TENM2: variants seen among roughly 807,000 people sequenced by gnomAD.
TENM2 encodes teneurin transmembrane protein 2, also known as teneurin-2.
A neutral mutation model predicts 245.2 loss-of-function variants in TENM2; 52 were observed. That is an observed-to-expected ratio of 0.21 (90% CI 0.17 to 0.27). The LOEUF (loss-of-function observed/expected upper bound fraction) is 0.27. TENM2 is among the 10% of genes least tolerant of loss of function. TENM2 has a pLI of 1.00. For synonymous variants in TENM2, 1,363 were observed against 1,438.9 expected, an observed-to-expected ratio of 0.95 and a Z score of 1.19; for missense variants, 3,046 against 3,666.8, an observed-to-expected ratio of 0.83 and a Z score of 4.37.
chr5:167,852,257 C>G (rs1411096295), intron 2 of TENM2, among the ~76,000 whole-genome samples: 1 of 152,156 alleles, frequency 6.6e-6, no homozygotes, highest in Non-Finnish European at 1.5e-5. Context: ...TCAAGATTTA[C>G]AGTAATCGAT....
At chr5:168,195,092 T>C in intron 14 of TENM2, 84 bp from the exon 17 acceptor site, 1 of 1,490,760 alleles carries the variant, frequency 6.7e-7, no homozygotes, top group South Asian at 1.2e-5. Flanking sequence ...AGGGACCAGA[T>C]GAGGATGAGG....
At chr5:167,351,254 A>T (rs1416759306) in intron 1 of TENM2, among the ~76,000 whole-genome samples, 1 of 151,820 alleles carries the variant, frequency 6.6e-6, no homozygotes, top group Non-Finnish European at 1.5e-5. Context: ...ATTCCCATGA[A>T]ATTTGAAATC....
At chr5:167,341,607 T>G (rs972736375) in intron 1 of TENM2, among the ~76,000 whole-genome samples, 6 of 152,090 alleles carry the variant, frequency 3.9e-5, no homozygotes, top group Non-Finnish European at 7.4e-5. Context: ...ACATTTGTGA[T>G]GATTGAAAAA....
At chr5:167,142,116 A>G in the TENM2 span, among the ~76,000 whole-genome samples, 1 of 152,188 alleles carries the variant, frequency 6.6e-6, no homozygotes, top group Middle Eastern at 3.2e-3. Context: ...AAAAAACGGA[A>G]AAAGCTGCAA....
At position 167,900,127 on chromosome 5, in the gene TENM2, AAAAAAAGG is replaced by A. The variant is rs1253202197; in HGVS notation, c.712+23933_712+23940del. ...TCAACCCACTAAAAAAAAAAAAAAAAAAAAAAGGGGGGGGGGGTTTTGGAAAGGAAAGG... is the reference window on the plus strand; with the variant it reads ...TCAACCCACTAAAAAAAAAAAAAAAAGGGGGGGGGTTTTGGAAAGGAAAGG... On this transcript the variant is annotated intron_variant, in intron 3 of 28. Coordinates refer to ENST00000518659, the Ensembl canonical transcript of TENM2. Among the ~76,000 whole-genome samples, 60 of 120,764 alleles carry A rather than the reference AAAAAAAGG, an allele frequency of 5.0e-4. 1 individual carries two copies. The highest frequency in any genetic ancestry group is 1.6e-3 in the African/African-American group (48 of 29,596). 79.2% of individuals were successfully genotyped at this position (120,764 alleles called of 152,430 possible). A position where few individuals can be genotyped will look rare whatever the true frequency, so the allele number is the denominator to read the frequency against.
chr5:167,096,844 A>G, the TENM2 span, among the ~76,000 whole-genome samples: 1 of 152,200 alleles, frequency 6.6e-6, no homozygotes, highest in African/African-American at 2.4e-5. Context: ...CAGCCTTGTC[A>G]TTTTTAAACG....
At chr5:167,930,211 T>C (rs1268335355) in intron 3 of TENM2, among the ~76,000 whole-genome samples, 5 of 152,208 alleles carry the variant, frequency 3.3e-5, no homozygotes, top group Non-Finnish European at 7.3e-5. Context: ...GTAATTTGAA[T>C]GGTAGTCGTG....
the TENM2 span, among the ~76,000 whole-genome samples, chr5:167,254,859 G>C: frequency 1.3e-5 from 2 of 152,020 alleles, no homozygotes; most frequent in South Asian, 4.2e-4. Context: ...GGAAGCAAGT[G>C]AGTGCTAAGG....
At chr5:167,173,511 T>C in the TENM2 span, among the ~76,000 whole-genome samples, 8 of 152,144 alleles carry the variant, frequency 5.3e-5, no homozygotes, top group African/African-American at 1.9e-4. Flanking sequence ...TTTGTAAAAA[T>C]GAACAAACTT....
At chr5:167,588,773 G>T (rs1382825998) in intron 2 of TENM2, among the ~76,000 whole-genome samples, 1 of 152,182 alleles carries the variant, frequency 6.6e-6, no homozygotes, top group Admixed American at 6.5e-5. Context: ...GGTTTGCAAA[G>T]GACAATATGA....
intron 2 of TENM2, among the ~76,000 whole-genome samples, chr5:167,400,597 G>T (rs551570720): frequency 6.6e-6 from 1 of 151,688 alleles, no homozygotes; most frequent in East Asian, 1.9e-4. Flanking sequence ...ATCACCCATA[G>T]ATTATAAATG....
chr5:167,143,798 A>G, the TENM2 span, among the ~76,000 whole-genome samples: 30 of 152,328 alleles, frequency 2.0e-4, 2 homozygotes, highest in East Asian at 5.6e-3. Context: ...CTGCGCTTTT[A>G]AAAGAACTAA....
chr5:167,407,570 C>A (rs1419638006), intron 2 of TENM2, among the ~76,000 whole-genome samples: 4 of 152,176 alleles, frequency 2.6e-5, no homozygotes, highest in Non-Finnish European at 5.9e-5. Context: ...GTAATCCCAG[C>A]ACTTTGGGAG....
chr5:168,247,292 G>A lies in TENM2; in HGVS notation c.6353G>A (p.Arg2118His), dbSNP rs778807457. 2.0e-5 allele frequency: 33 copies of A among 1,613,800 alleles called. No homozygotes were observed. The highest frequency in any genetic ancestry group is 5.5e-5 in the South Asian group (5 of 91,076). ...ACTCCCCTCCCCGTTGACCTCTACC[G>A]CTATGATGAGATTTCTGGCAAGGTG... Residue 2118 changes from arginine (R) to histidine (H), a missense_variant, in exon 27 of 29, where the codon CGC becomes CAC. Around this residue, in one of 2 missense-constraint regions of TENM2, gnomAD observed 2,704 missense variants for 3,331.9 expected, o/e 0.81. Transcript: ENST00000518659. This position sits in a 1 kb window ranked among gnomAD's most constrained non-coding sequence, Gnocchi z 7.8.
At chr5:167,298,307 T>C (rs1292203418) in intron 1 of TENM2, among the ~76,000 whole-genome samples, 1 of 152,122 alleles carries the variant, frequency 6.6e-6, no homozygotes, top group African/African-American at 2.4e-5. Flanking sequence ...TTGTATGAAT[T>C]GAAAAACTAA....
At chr5:167,411,187 A>C (rs976415651) in intron 2 of TENM2, among the ~76,000 whole-genome samples, 1 of 152,072 alleles carries the variant, frequency 6.6e-6, no homozygotes, top group African/African-American at 2.4e-5. Context: ...CTGAGAGAGG[A>C]TAGGAAACTG....
At chr5:167,007,523 T>C in the TENM2 span, among the ~76,000 whole-genome samples, 294 of 152,354 alleles carry the variant, frequency 1.9e-3, 1 homozygote, top group African/African-American at 6.3e-3. The surrounding 1 kb of genome is among the most constrained non-coding windows in gnomAD (Gnocchi z 4.2). Context: ...CATGCCTCAA[T>C]CTTTCCCATC....
the TENM2 span, among the ~76,000 whole-genome samples, chr5:167,008,591 T>C: frequency 6.6e-6 from 1 of 152,202 alleles, no homozygotes; most frequent in Non-Finnish European, 1.5e-5. Flanking sequence ...ATTACCTTTG[T>C]GAATTAGCAG....
intron 7 of TENM2, among the ~76,000 whole-genome samples, chr5:168,077,938 T>C (rs1289359593): frequency 1.3e-5 from 2 of 152,220 alleles, no homozygotes; most frequent in Non-Finnish European, 2.9e-5. Flanking sequence ...TTTGGGTATA[T>C]ACCCAGTAAC....
Sources: allele counts gnomAD v4.1 joint callset (sites outside exome capture counted in the v4.1 genomes callset), GRCh38; gene constraint gnomAD v4.1.1; regional missense constraint gnomAD v4.1.1; non-coding constraint Gnocchi (gnomAD v3.1); transcripts MANE v1.5; gene names NCBI Gene and HGNC (gene_info 2026-07-23, HGNC 2026-07-21).